The following CADPS variants were observed in gnomAD, a reference collection of about 807,000 sequenced individuals.
The protein encoded by CADPS is calcium-dependent secretion activator 1.
A neutral mutation model predicts 167.3 loss-of-function variants in CADPS; 57 were observed. That is an observed-to-expected ratio of 0.34 (90% CI 0.28 to 0.42). CADPS has a LOEUF of 0.42. CADPS is among the 20% of genes least tolerant of loss of function. The pLI is 1.00. For missense variants in CADPS, 1,414 were observed against 1,738.1 expected (o/e 0.81, Z 3.32); for synonymous variants, 676 against 635.3 (o/e 1.06, Z -0.96).
intron 6 of CADPS, among the ~76,000 whole-genome samples, chr3:62,621,619 A>G (rs2149481573): frequency 6.6e-6 from 1 of 152,200 alleles, no homozygotes; most frequent in Middle Eastern, 3.4e-3. Context: ...TCAGGGGTAT[A>G]TGTTCAGGTT....
At chr3:62,821,421 C>A (rs1331015320) in intron 1 of CADPS, among the ~76,000 whole-genome samples, 1 of 152,170 alleles carries the variant, frequency 6.6e-6, no homozygotes, top group African/African-American at 2.4e-5. Context: ...AAGGTCTTGG[C>A]AGGTACAAGC....
intron 9 of CADPS, among the ~76,000 whole-genome samples, chr3:62,567,570 T>A: frequency 1.0e-5 from 1 of 97,412 alleles, no homozygotes. Flanking sequence ...ACTGCTTTTT[T>A]TTTTTTTTTT....
intron 1 of CADPS, among the ~76,000 whole-genome samples, chr3:62,843,492 G>GGTGTGTGTGTGTGT (rs150223612): frequency 0.012 from 1,856 of 149,100 alleles, 33 homozygotes; most frequent in East Asian, 0.036. Context: ...TGGCAGTTGG[G>GGTGTGTGTGTGTGT]GTGTGTGTGT....
At chr3:62,668,773 C>T (rs2074966454) in intron 3 of CADPS, among the ~76,000 whole-genome samples, 2 of 152,260 alleles carry the variant, frequency 1.3e-5, no homozygotes, top group Admixed American at 6.5e-5. Context: ...TTGTACATTA[C>T]AGCGGCAAAT....
intron 21 of CADPS, among the ~76,000 whole-genome samples, chr3:62,484,132 C>T (rs1323162089): frequency 6.6e-6 from 1 of 152,100 alleles, no homozygotes; most frequent in Non-Finnish European, 1.5e-5. Context: ...GCACTGGACT[C>T]ATAGAAACAT....
intron 1 of CADPS, among the ~76,000 whole-genome samples, chr3:62,841,142 T>C (rs2076591875): frequency 6.6e-6 from 1 of 152,206 alleles, no homozygotes; most frequent in South Asian, 2.1e-4. Flanking sequence ...TTGGCAAATA[T>C]GTCCTCTGAG....
At chr3:62,653,474 C>A (rs924144256) in intron 4 of CADPS, among the ~76,000 whole-genome samples, 1 of 152,122 alleles carries the variant, frequency 6.6e-6, no homozygotes, top group Admixed American at 6.5e-5. Flanking sequence ...TCAACTATGG[C>A]ATTCTGTTAT....
At chr3:62,681,484 TCTTC>T (rs1245858400) in intron 3 of CADPS, among the ~76,000 whole-genome samples, 9 of 152,130 alleles carry the variant, frequency 5.9e-5, no homozygotes, top group African/African-American at 1.7e-4. Context: ...AGAAAATGGA[TCTTC>T]CTTCTATTGC....
At chr3:62,829,900 A>C (rs956820684) in intron 1 of CADPS, among the ~76,000 whole-genome samples, 10 of 152,150 alleles carry the variant, frequency 6.6e-5, no homozygotes, top group African/African-American at 2.4e-4. Context: ...ACTTGACTGT[A>C]ACATTCAGGA....
chr3:62,737,325 C>T (rs2079181024), intron 3 of CADPS, among the ~76,000 whole-genome samples: 1 of 151,524 alleles, frequency 6.6e-6, no homozygotes, highest in South Asian at 2.1e-4. Context: ...ACATAGTAGC[C>T]AGGTGTGGTG....
intron 18 of CADPS, among the ~76,000 whole-genome samples, chr3:62,495,278 C>T (rs1482445738): frequency 1.3e-5 from 2 of 152,106 alleles, no homozygotes; most frequent in East Asian, 1.9e-4. Flanking sequence ...CTTTTCAAAA[C>T]CTTATAATCA....
At chr3:62,536,339 A>C in intron 12 of CADPS, 106 bp downstream of exon 12, 1 of 962,038 alleles carries the variant, frequency 1.0e-6, no homozygotes, top group South Asian at 1.7e-5. Flanking sequence ...TAATTGTTAA[A>C]GGGATTCTGT....
At chr3:62,738,439 TG>T (rs1027135221) in intron 3 of CADPS, among the ~76,000 whole-genome samples, 1 of 151,944 alleles carries the variant, frequency 6.6e-6, no homozygotes, top group Non-Finnish European at 1.5e-5. Flanking sequence ...AAAAAAAAAT[TG>T]ATGCATTGTG....
chr3:62,662,182 T>C lies in CADPS; in HGVS notation c.969+132A>G, dbSNP rs1205652230. 3.9e-5 allele frequency: 30 copies of C among 769,600 alleles called. No homozygotes were observed. In the East Asian group the frequency reaches 7.8e-4, roughly 20 times the overall value. 47.7% of individuals were successfully genotyped at this position (769,600 alleles called of 1,614,324 possible). A position where few individuals can be genotyped will look rare whatever the true frequency, so the allele number is the denominator to read the frequency against. ...TGAGAAAGGAGGGCTGAGGGCCCAA[T>C]GAGGGTGATTGTCCTCATCTTCCCT... is the stretch of plus-strand genomic sequence containing the variant. On this transcript the variant is annotated intron_variant, in intron 4 of 29. Coordinates refer to ENST00000383710, the MANE Select transcript of CADPS (RefSeq NM_003716.4).
At position 62,649,154 on chromosome 3, in the gene CADPS, T is replaced by A. The variant is rs567855292; in HGVS notation, c.1203+1693A>T. 2.6e-5 allele frequency among the ~76,000 whole-genome samples: 4 copies of A among 152,296 alleles called. No homozygotes were observed. The East Asian group carries it at 7.7e-4, about 29-fold the overall frequency. On this transcript the variant is annotated intron_variant, in intron 5 of 29. Transcript: ENST00000383710. Reference sequence around the variant, plus strand: ...TCTCTTGGTCTCCCCAAATCTAGGGTTATCATAAAACCCTTGTGGGGTTTT... The same window carrying A: ...TCTCTTGGTCTCCCCAAATCTAGGGATATCATAAAACCCTTGTGGGGTTTT...
Position 62,433,855 on chromosome 3 carries a change from T to G in CADPS, c.3777+4249A>C, listed in dbSNP as rs942758362. ...CTGATCTCTAATTTCAAAAAGCATG[T>G]TTTTATTTTGGGGAAGATGTTGAAT... On this transcript the variant is annotated intron_variant, in intron 28 of 29. Coordinates refer to ENST00000383710, the MANE Select transcript of CADPS (RefSeq NM_003716.4). This position sits in a 1 kb window ranked among gnomAD's most constrained non-coding sequence, Gnocchi z 4.7. 4.6e-5 allele frequency among the ~76,000 whole-genome samples: 7 copies of G among 152,148 alleles called. No homozygotes were observed. The South Asian group carries it at 1.2e-3, about 27-fold the overall frequency.
chr3:62,459,902 G>A (rs984670136), intron 26 of CADPS, among the ~76,000 whole-genome samples: 11 of 152,120 alleles, frequency 7.2e-5, no homozygotes, highest in East Asian at 3.9e-4. Context: ...TCAGTACTAC[G>A]GTAAAATAGC....
intron 18 of CADPS, among the ~76,000 whole-genome samples, chr3:62,498,617 A>G (rs1000709393): frequency 6.6e-6 from 1 of 152,218 alleles, no homozygotes; most frequent in East Asian, 1.9e-4. Context: ...AAAGTAAGCT[A>G]TATTTATTTA....
intron 26 of CADPS, among the ~76,000 whole-genome samples, chr3:62,459,006 T>C (rs868210828): frequency 1.3e-5 from 2 of 152,202 alleles, no homozygotes; most frequent in Non-Finnish European, 2.9e-5. Flanking sequence ...TTTCATGGCA[T>C]CAACTGGAAA....
Sources: allele counts gnomAD v4.1 joint callset (sites outside exome capture counted in the v4.1 genomes callset), GRCh38; gene constraint gnomAD v4.1.1; non-coding constraint Gnocchi (gnomAD v3.1); transcripts MANE v1.5; gene names NCBI Gene and HGNC (gene_info 2026-07-23, HGNC 2026-07-21).